Variants in PDE4D observed in about 807,000 individuals in gnomAD.
The protein encoded by PDE4D is phosphodiesterase 4D, also known as 3',5'-cyclic-AMP phosphodiesterase 4D.
A neutral mutation model predicts 87.4 loss-of-function variants in PDE4D; 24 were observed. The observed-to-expected ratio is 0.27, with a 90% CI of 0.20 to 0.39. PDE4D has a LOEUF of 0.39. PDE4D is among the 10% of genes least tolerant of loss of function. PDE4D has a pLI of 1.00. For missense variants in PDE4D, 714 were observed against 1,041.0 expected, an observed-to-expected ratio of 0.69 and a Z score of 4.32; for synonymous variants, 384 against 383.2, an observed-to-expected ratio of 1.00 and a Z score of -0.02.
intron 1 of PDE4D, among the ~76,000 whole-genome samples, chr5:60,344,780 A>T (rs1173455071): frequency 6.6e-6 from 1 of 152,176 alleles, no homozygotes; most frequent in East Asian, 1.9e-4. Flanking sequence ...ACTCATCTAT[A>T]TAGTCTTCTG....
chr5:59,695,849 T>C (rs529560791), intron 1 of PDE4D, among the ~76,000 whole-genome samples: 2 of 152,208 alleles, frequency 1.3e-5, no homozygotes, highest in South Asian at 4.2e-4. Flanking sequence ...GCTCAAGTGA[T>C]CCACCTGCCT....
At chr5:59,063,243 C>T (rs1254366066) in intron 5 of PDE4D, 2 of 152,132 alleles carry the variant, frequency 1.3e-5, no homozygotes, top group Admixed American at 1.3e-4. Flanking sequence ...TACAGTGAAC[C>T]ATGAAAGATG....
intron 2 of PDE4D, among the ~76,000 whole-genome samples, chr5:60,075,987 T>C (rs1406753321): frequency 2.0e-5 from 3 of 152,162 alleles, no homozygotes; most frequent in Non-Finnish European, 4.4e-5. Context: ...CATTTCTATA[T>C]ATATTTTGAA....
intron 6 of PDE4D, among the ~76,000 whole-genome samples, chr5:59,010,252 G>A (rs1210912831): frequency 6.6e-6 from 1 of 152,078 alleles, no homozygotes. Flanking sequence ...GCTTGAGCCC[G>A]GGAGGCAGAA....
At position 59,627,483 on chromosome 5, in the gene PDE4D, T is replaced by C. The variant is rs76061882; in HGVS notation, c.455+265685A>G. On this transcript the variant is annotated intron_variant, in intron 1 of 14. Coordinates refer to ENST00000340635, the MANE Select transcript of PDE4D (RefSeq NM_001104631.2). ...TTCTTACCTAGCACTGAATTTTATA[T>C]AAGCAATATGCTTTCTATCACTTTC... 5.9e-3 allele frequency among the ~76,000 whole-genome samples: 897 copies of C among 152,330 alleles called. 59 individuals carry two copies. The East Asian group carries it at 0.15, about 26-fold the overall frequency.
intron 6 of PDE4D, among the ~76,000 whole-genome samples, chr5:58,996,145 G>A (rs1749173368): frequency 6.6e-6 from 1 of 152,128 alleles, no homozygotes; most frequent in Non-Finnish European, 1.5e-5. Context: ...TGAGCGGGTA[G>A]GGAGGGGAAG....
chr5:58,975,084 G>C lies in PDE4D; in HGVS notation c.2014-4C>G. ...CAATATAGTCTATGAAGCCCACCTAGTTAAGAAAAAAATCCAGTATGAGTA... is the reference window on the plus strand; with the variant it reads ...CAATATAGTCTATGAAGCCCACCTACTTAAGAAAAAAATCCAGTATGAGTA... On this transcript the variant is annotated splice_region_variant and splice_polypyrimidine_tract_variant and intron_variant, in intron 14 of 14. Coordinates refer to ENST00000340635, the MANE Select transcript of PDE4D (RefSeq NM_001104631.2). The surrounding 1 kb of genome is among the most constrained non-coding windows in gnomAD (Gnocchi z 4.2). The C allele has an allele frequency of 6.8e-7, 1 of 1,462,518 alleles. No homozygotes were observed. The highest frequency in any genetic ancestry group is 9.1e-7 in the Non-Finnish European group (1 of 1,099,696). 90.6% of individuals were successfully genotyped at this position (1,462,518 alleles called of 1,614,324 possible).
intron 1 of PDE4D, among the ~76,000 whole-genome samples, chr5:60,363,976 G>T (rs1016222891): frequency 3.3e-5 from 5 of 152,180 alleles, no homozygotes; most frequent in African/African-American, 1.2e-4. Context: ...GAACTACATG[G>T]GCTGGCCCAA....
In PDE4D at chr5:58,975,262, G is replaced by A. The variant is rs1049666678; in HGVS notation, c.2014-182C>T. On this transcript the variant is annotated intron_variant, in intron 14 of 14. Transcript: ENST00000340635. The surrounding 1 kb of genome is among the most constrained non-coding windows in gnomAD (Gnocchi z 4.2). Reference sequence around the variant, plus strand: ...TTAAAGTAAAGTATTGCTACTAGCTGGTCAAAATTAGCTTCTAGAACCTTT... The same window carrying A: ...TTAAAGTAAAGTATTGCTACTAGCTAGTCAAAATTAGCTTCTAGAACCTTT... 6.6e-6 allele frequency among the ~76,000 whole-genome samples: 1 copy of A among 151,996 alleles called. No individual in the cohort carries two copies. The highest frequency in any genetic ancestry group is 6.6e-5 in the Admixed American group (1 of 15,244).
intron 1 of PDE4D, among the ~76,000 whole-genome samples, chr5:59,584,752 CTG>C (rs1824808504): frequency 6.6e-6 from 1 of 152,114 alleles, no homozygotes; most frequent in Non-Finnish European, 1.5e-5. Flanking sequence ...AGAACAAAAA[CTG>C]TTGCTTTGTA....
intron 1 of PDE4D, among the ~76,000 whole-genome samples, chr5:60,477,457 G>A (rs1328289643): frequency 6.6e-6 from 1 of 151,938 alleles, no homozygotes; most frequent in African/African-American, 2.4e-5. Flanking sequence ...GGTAAGTTGA[G>A]ATTTTTCTGT....
intron 2 of PDE4D, among the ~76,000 whole-genome samples, chr5:60,054,000 A>C (rs1370195017): frequency 2.0e-5 from 3 of 152,344 alleles, no homozygotes; most frequent in East Asian, 1.9e-4. Flanking sequence ...ATCTCATGCC[A>C]GTTAGAATGG....
intron 1 of PDE4D, among the ~76,000 whole-genome samples, chr5:59,866,742 C>T (rs1175388739): frequency 6.6e-6 from 1 of 152,176 alleles, no homozygotes; most frequent in Admixed American, 6.5e-5. Flanking sequence ...GCCATTCCTT[C>T]CTGTAGAAAG....
intron 2 of PDE4D, among the ~76,000 whole-genome samples, chr5:60,135,508 G>T (rs955709068): frequency 1.3e-5 from 2 of 152,088 alleles, no homozygotes; most frequent in African/African-American, 2.4e-5. Flanking sequence ...CAAAAATGGG[G>T]GAAGGGAAAA....
At chr5:59,871,526 T>G (rs1747817560) in intron 1 of PDE4D, among the ~76,000 whole-genome samples, 1 of 152,230 alleles carries the variant, frequency 6.6e-6, no homozygotes, top group Non-Finnish European at 1.5e-5. Flanking sequence ...TATGCTACAA[T>G]AGAAAATAAT....
At chr5:59,988,178 T>A in intron 3 of PDE4D, 1 of 247,242 alleles carries the variant, frequency 4.0e-6, no homozygotes, top group East Asian at 8.0e-5. Context: ...AGTTCTCATT[T>A]GTTAAAATGT....
At chr5:60,379,206 ATT>A (rs1761673054) in intron 1 of PDE4D, among the ~76,000 whole-genome samples, 1 of 149,322 alleles carries the variant, frequency 6.7e-6, no homozygotes, top group African/African-American at 2.5e-5. Flanking sequence ...AAAAAAAAAC[ATT>A]AAAACCAATC....
intron 1 of PDE4D, among the ~76,000 whole-genome samples, chr5:60,417,690 T>G (rs1289448279): frequency 1.3e-5 from 2 of 151,932 alleles, no homozygotes; most frequent in Non-Finnish European, 2.9e-5. Context: ...AAAGAAGAAT[T>G]TTTTTTAGAA....
At chr5:60,185,423 G>A (rs1189781163) in intron 2 of PDE4D, 1 of 567,270 alleles carries the variant, frequency 1.8e-6, no homozygotes, top group Admixed American at 2.7e-5. Flanking sequence ...GCTGTGTACA[G>A]TCAGAGAACT....
Sources: gnomAD v4.1 joint callset for allele counts (sites outside exome capture counted in the v4.1 genomes callset) on GRCh38, gnomAD v4.1.1 for gene constraint, Gnocchi (gnomAD v3.1) non-coding constraint, MANE v1.5 for transcripts, NCBI Gene and HGNC (gene_info 2026-07-23, HGNC 2026-07-21) for gene names.